Variants in DAB1 observed in about 807,000 individuals in gnomAD.
DAB1 encodes the protein disabled homolog 1.
Under a neutral mutation model 64.6 loss-of-function variants are expected in DAB1, and 15 were observed. The observed-to-expected ratio is 0.23, with a 90% CI of 0.16 to 0.36. The LOEUF is 0.36. Ranked by LOEUF, DAB1 falls within the 10% of genes least tolerant of loss-of-function variation. The pLI, the probability that DAB1 is intolerant of heterozygous loss-of-function variation, is 1.00. For synonymous variants in DAB1, 235 were observed against 251.9 expected, an observed-to-expected ratio of 0.93 and a Z score of 0.64; for missense variants, 596 against 706.7, an observed-to-expected ratio of 0.84 and a Z score of 1.78.
chr1:58,327,279 A>G (rs1353777183), intron 4 of DAB1, among the ~76,000 whole-genome samples: 1 of 152,082 alleles, frequency 6.6e-6, no homozygotes, highest in Non-Finnish European at 1.5e-5. Flanking sequence ...AATATGGGGG[A>G]AAAAGAAGAA....
At chr1:57,837,571 T>C (rs532468106) in intron 1 of DAB1, among the ~76,000 whole-genome samples, 16 of 152,158 alleles carry the variant, frequency 1.1e-4, no homozygotes, top group Admixed American at 8.5e-4. Context: ...TGCTTGAGAC[T>C]CTCTTCTGCC....
intron 5 of DAB1, chr1:58,048,946 A>C: frequency 1.2e-6 from 1 of 859,054 alleles, no homozygotes; most frequent in South Asian, 1.3e-5. Flanking sequence ...GATGTTCTTC[A>C]GTGTCTTCTT....
chr1:58,173,350 T>G (rs1453905023), intron 4 of DAB1, among the ~76,000 whole-genome samples: 1 of 152,200 alleles, frequency 6.6e-6, no homozygotes, highest in African/African-American at 2.4e-5. Flanking sequence ...TCCATTCAGA[T>G]GGCTTGTCCG....
chr1:57,703,718 A>G (rs905559035), intron 6 of DAB1, among the ~76,000 whole-genome samples: 1 of 152,200 alleles, frequency 6.6e-6, no homozygotes, highest in African/African-American at 2.4e-5. Flanking sequence ...TTATTCTATT[A>G]TAAAGACACA....
At chr1:57,715,654 TAG>T (rs971152152) in intron 6 of DAB1, among the ~76,000 whole-genome samples, 5 of 151,944 alleles carry the variant, frequency 3.3e-5, no homozygotes, top group African/African-American at 1.2e-4. Flanking sequence ...ATGAACTATC[TAG>T]AAAAGAAATC....
At chr1:57,765,813 G>A (rs2101823850) in intron 6 of DAB1, among the ~76,000 whole-genome samples, 1 of 151,856 alleles carries the variant, frequency 6.6e-6, no homozygotes, top group African/African-American at 2.4e-5. Context: ...TATTTTTTAT[G>A]AGAGACAGGG....
chr1:57,331,316 G>A (rs752385549), intron 1 of DAB1, among the ~76,000 whole-genome samples: 15 of 151,998 alleles, frequency 9.9e-5, no homozygotes, highest in Non-Finnish European at 1.8e-4. Flanking sequence ...TTACCCTCCC[G>A]GTAACCTTAT....
chr1:57,355,342 C>CCCTT (rs200525999), intron 1 of DAB1, among the ~76,000 whole-genome samples: 7 of 151,200 alleles, frequency 4.6e-5, no homozygotes, highest in African/African-American at 7.3e-5. Flanking sequence ...CTTCCATCCT[C>CCCTT]CCTTCCTTCC....
intron 1 of DAB1, among the ~76,000 whole-genome samples, chr1:57,300,075 C>T (rs1246259084): frequency 2.6e-5 from 4 of 152,132 alleles, no homozygotes; most frequent in African/African-American, 9.7e-5. Flanking sequence ...TGGGAATGTG[C>T]CCTATACACC....
intron 1 of DAB1, among the ~76,000 whole-genome samples, chr1:57,376,222 C>T (rs1309945903): frequency 2.0e-5 from 3 of 152,214 alleles, no homozygotes; most frequent in Admixed American, 2.0e-4. Flanking sequence ...CATGCAGCCT[C>T]TAGTTAAACC....
At chr1:57,641,379 G>GTTTTTTTTTTTT (rs34105483) in intron 7 of DAB1, among the ~76,000 whole-genome samples, 1 of 109,970 alleles carries the variant, frequency 9.1e-6, no homozygotes. Context: ...TTTTTTGTTG[G>GTTTTTTTTTTTT]TTTTTTTTTT....
intron 3 of DAB1, among the ~76,000 whole-genome samples, chr1:58,381,657 G>A (rs1161131058): frequency 6.6e-6 from 1 of 152,190 alleles, no homozygotes; most frequent in Non-Finnish European, 1.5e-5. Context: ...TGCTTCCAAG[G>A]TTTTTAAATA....
At chr1:57,594,702 T>C (rs1038595473) in intron 7 of DAB1, among the ~76,000 whole-genome samples, 40 of 152,116 alleles carry the variant, frequency 2.6e-4, no homozygotes, top group African/African-American at 9.7e-4. Flanking sequence ...TTCTATTTAT[T>C]TATATACTTA....
intron 6 of DAB1, among the ~76,000 whole-genome samples, chr1:57,711,588 A>G (rs1647030658): frequency 1.3e-5 from 2 of 152,242 alleles, no homozygotes; most frequent in South Asian, 4.1e-4. Flanking sequence ...ACAGTTTGGC[A>G]TAGCACTTAA....
At chr1:57,868,297 G>A (rs897362113) in intron 1 of DAB1, among the ~76,000 whole-genome samples, 1 of 150,926 alleles carries the variant, frequency 6.6e-6, no homozygotes, top group Non-Finnish European at 1.5e-5. Flanking sequence ...GCATTTTCAG[G>A]GTGTTCTAGG....
intron 7 of DAB1, among the ~76,000 whole-genome samples, chr1:57,551,078 C>T (rs1256603450): frequency 6.6e-6 from 1 of 152,174 alleles, no homozygotes; most frequent in Non-Finnish European, 1.5e-5. Flanking sequence ...GACACTAAGA[C>T]TATGCATTTC....
chr1:58,376,525 T>C (rs1455435256), intron 3 of DAB1, among the ~76,000 whole-genome samples: 1 of 145,240 alleles, frequency 6.9e-6, no homozygotes, highest in Non-Finnish European at 1.5e-5. Flanking sequence ...CTAGTTTGAT[T>C]GCACTGTGGT....
chr1:57,606,014 T>A (rs1033557743), intron 7 of DAB1: 2 of 656,658 alleles, frequency 3.0e-6, no homozygotes, highest in African/African-American at 1.8e-5. Flanking sequence ...GTTTTTCTTG[T>A]AGTGATTCTC....
chr1:57,606,389 T>TATATATATATAC (rs1553199436), intron 7 of DAB1, among the ~76,000 whole-genome samples: 1 of 133,566 alleles, frequency 7.5e-6, no homozygotes, highest in Non-Finnish European at 1.6e-5. Context: ...TATATATATA[T>TATATATATATAC]ATACACATTA....
Sources: gnomAD v4.1 joint callset for allele counts (sites outside exome capture counted in the v4.1 genomes callset) on GRCh38, gnomAD v4.1.1 for gene constraint, MANE v1.5 for transcripts, NCBI Gene and HGNC (gene_info 2026-07-23, HGNC 2026-07-21) for gene names.